The following BBX variants were observed in gnomAD, a reference collection of about 807,000 sequenced individuals.
BBX encodes the protein HMG box transcription factor BBX.
A neutral mutation model predicts 100.2 loss-of-function variants in BBX; 30 were observed. The observed-to-expected ratio is 0.30, with a 90% confidence interval of 0.22 to 0.41. The LOEUF is 0.41. Among genes scored for constraint, BBX ranks in the 10% least tolerant of loss-of-function variants. The pLI, the probability that BBX is intolerant of heterozygous loss-of-function variation, is 1.00. For synonymous variants in BBX, 376 were observed against 388.1 expected, an observed-to-expected ratio of 0.97 and a Z score of 0.37; for missense variants, 1,023 against 1,129.8, an observed-to-expected ratio of 0.91 and a Z score of 1.35.
chr3:107,809,452 G>A lies in BBX; in HGVS notation c.*3995G>A, dbSNP rs556583369. On this transcript the variant is annotated 3_prime_UTR_variant, in exon 18 of 18. Transcript: ENST00000325805. ...AGCCATCATTTGTAAAGGGGATGTTGCGGGGTGTGATGCTGTTGAGGAGAT... is the reference window on the plus strand; with the variant it reads ...AGCCATCATTTGTAAAGGGGATGTTACGGGGTGTGATGCTGTTGAGGAGAT... 1 of 152,548 alleles carries A rather than the reference G, an allele frequency of 6.6e-6. No homozygotes were observed. The highest frequency in any genetic ancestry group is 1.9e-4 in the East Asian group (1 of 5,194). 9.4% of individuals were successfully genotyped at this position (152,548 alleles called of 1,614,324 possible). A position where few individuals can be genotyped will look rare whatever the true frequency, so the allele number is the denominator to read the frequency against.
chr3:107,535,101 A>T (rs2048400234), intron 2 of BBX, among the ~76,000 whole-genome samples: 1 of 152,250 alleles, frequency 6.6e-6, no homozygotes, highest in Non-Finnish European at 1.5e-5. Flanking sequence ...ACAGCTGGTA[A>T]GTGATCATGC....
At chr3:107,565,443 TTTTATTTATTTA>T (rs80145598) in intron 2 of BBX, among the ~76,000 whole-genome samples, 5 of 136,966 alleles carry the variant, frequency 3.7e-5, no homozygotes, top group Admixed American at 2.2e-4. Flanking sequence ...AATAGTTTTA[TTTTATTTATTTA>T]TTTATTTATT....
intron 3 of BBX, among the ~76,000 whole-genome samples, chr3:107,675,686 G>A (rs1275077897): frequency 6.6e-6 from 1 of 152,156 alleles, no homozygotes; most frequent in East Asian, 1.9e-4. Context: ...ATTTGGGGAA[G>A]AATAAAAAGG....
chr3:107,618,226 A>C (rs2055444976), intron 2 of BBX, among the ~76,000 whole-genome samples: 1 of 151,826 alleles, frequency 6.6e-6, no homozygotes, highest in Non-Finnish European at 1.5e-5. Flanking sequence ...ATAAATCCCT[A>C]TTTACGTTGT....
chr3:107,708,758 A>G (rs1004160393), intron 3 of BBX, among the ~76,000 whole-genome samples: 3 of 152,152 alleles, frequency 2.0e-5, no homozygotes, highest in African/African-American at 7.2e-5. Flanking sequence ...GAGTTATTGT[A>G]GCATAATAAT....
intron 2 of BBX, among the ~76,000 whole-genome samples, chr3:107,537,936 T>C (rs188022796): frequency 6.6e-6 from 1 of 152,324 alleles, no homozygotes; most frequent in Admixed American, 6.5e-5. Flanking sequence ...AAAGCTCACA[T>C]CAGTAATAAC....
intron 14 of BBX, among the ~76,000 whole-genome samples, chr3:107,790,385 C>T (rs563195490): frequency 6.6e-6 from 1 of 152,230 alleles, no homozygotes; most frequent in East Asian, 1.9e-4. Context: ...TTCCACCCCC[C>T]CTCGTTTGCC....
intron 4 of BBX, chr3:107,716,387 C>A (rs1211152176): frequency 3.6e-6 from 2 of 556,688 alleles, no homozygotes; most frequent in African/African-American, 1.9e-5. Context: ...GTAATAGAGA[C>A]ATGCACAGGT....
chr3:107,638,267 C>G (rs2056970520), intron 2 of BBX, among the ~76,000 whole-genome samples: 1 of 152,144 alleles, frequency 6.6e-6, no homozygotes, highest in Non-Finnish European at 1.5e-5. Context: ...GTTGCCCAGG[C>G]TGATCTCAAA....
At chr3:107,664,349 C>T (rs920813062) in intron 3 of BBX, among the ~76,000 whole-genome samples, 1 of 152,174 alleles carries the variant, frequency 6.6e-6, no homozygotes, top group Non-Finnish European at 1.5e-5. Flanking sequence ...AGTATTCTCT[C>T]TCTCTGGCTC....
intron 10 of BBX, among the ~76,000 whole-genome samples, chr3:107,757,330 T>G (rs901391095): frequency 3.3e-5 from 5 of 152,030 alleles, no homozygotes; most frequent in Admixed American, 6.6e-5. Context: ...AAATCAGAGC[T>G]CATTAAAAAG....
chr3:107,759,669 A>G (rs543245198), intron 10 of BBX, among the ~76,000 whole-genome samples: 2 of 152,334 alleles, frequency 1.3e-5, no homozygotes, highest in East Asian at 3.9e-4. Flanking sequence ...TTGAGGATGT[A>G]TTCTGTGCCA....
At chr3:107,705,351 A>G (rs554188500) in intron 3 of BBX, among the ~76,000 whole-genome samples, 1 of 152,286 alleles carries the variant, frequency 6.6e-6, no homozygotes, top group South Asian at 2.1e-4. Flanking sequence ...TTTAGGAAAC[A>G]GTTTAAAATA....
intron 1 of BBX, among the ~76,000 whole-genome samples, chr3:107,525,176 C>T (rs1371682308): frequency 4.0e-5 from 6 of 149,244 alleles, no homozygotes. Context: ...CCCCGCGCGG[C>T]CACCCCGGGT....
Position 107,597,837 on chromosome 3 carries a change from GGTTTTGTTTTGTTTT to G in BBX, c.-83-47983_-83-47969del, listed in dbSNP as rs71299353. 5.9e-5 allele frequency among the ~76,000 whole-genome samples: 9 copies of G among 152,116 alleles called. No homozygotes were observed. In the East Asian group the frequency reaches 1.7e-3, roughly 29 times the overall value. ...ATTGTCCCCTTGTGTCCTGCCCAGA[GGTTTTGTTTTGTTTT>G]GTTTTGTTTTGTTTTTGGTCCCCTA... On this transcript the variant is annotated intron_variant, in intron 2 of 17. Coordinates refer to ENST00000325805, the MANE Select transcript of BBX (RefSeq NM_001142568.3).
At chr3:107,698,302 T>C (rs1174088667) in intron 3 of BBX, among the ~76,000 whole-genome samples, 1 of 151,748 alleles carries the variant, frequency 6.6e-6, no homozygotes, top group Non-Finnish European at 1.5e-5. Flanking sequence ...CCATTTTAGA[T>C]GAAATTTAAT....
chr3:107,620,910 C>T (rs1001014557), intron 2 of BBX, among the ~76,000 whole-genome samples: 2 of 136,682 alleles, frequency 1.5e-5, no homozygotes, highest in East Asian at 2.2e-4. Flanking sequence ...AATTCTGTGT[C>T]GCCACATGAT....
At chr3:107,539,724 A>G (rs1362993140) in intron 2 of BBX, among the ~76,000 whole-genome samples, 2 of 152,218 alleles carry the variant, frequency 1.3e-5, no homozygotes, top group African/African-American at 4.8e-5. Flanking sequence ...TTAGAAATTG[A>G]AAAAGATAAG....
chr3:107,784,459 C>G (rs2068216300), intron 13 of BBX, among the ~76,000 whole-genome samples: 1 of 151,866 alleles, frequency 6.6e-6, no homozygotes, highest in African/African-American at 2.4e-5. Context: ...AGAGTGTGTT[C>G]TCTGACCATA....
Sources: gnomAD v4.1 joint callset for allele counts (sites outside exome capture counted in the v4.1 genomes callset) on GRCh38, gnomAD v4.1.1 for gene constraint, MANE v1.5 for transcripts, NCBI Gene and HGNC (gene_info 2026-07-23, HGNC 2026-07-21) for gene names.